RALYL: variants seen among roughly 807,000 people sequenced by gnomAD.
RALYL encodes RNA-binding Raly-like protein.
In RALYL, 29 loss-of-function variants were observed where a neutral mutation model predicts 35.1. That is an observed-to-expected ratio of 0.83 (90% CI 0.61 to 1.13). RALYL has a LOEUF of 1.13. RALYL is among the 50% of genes most tolerant of loss of function. The pLI is 0.00. For missense variants in RALYL, 359 were observed against 360.4 expected (o/e 1.00, Z 0.03); for synonymous variants, 120 against 127.6 (o/e 0.94, Z 0.40).
intron 5 of RALYL, among the ~76,000 whole-genome samples, chr8:84,852,111 A>G (rs1835972781): frequency 6.6e-6 from 1 of 152,182 alleles, no homozygotes; most frequent in Non-Finnish European, 1.5e-5. Context: ...TAGGCATCCA[A>G]TTTAGATTCA....
At chr8:84,851,437 T>G (rs1402779622) in intron 5 of RALYL, among the ~76,000 whole-genome samples, 1 of 152,156 alleles carries the variant, frequency 6.6e-6, no homozygotes, top group African/African-American at 2.4e-5. Flanking sequence ...TAACTGAAAT[T>G]TATGCATATC....
chr8:84,731,794 TA>T (rs767777950), intron 2 of RALYL, among the ~76,000 whole-genome samples: 2 of 152,110 alleles, frequency 1.3e-5, no homozygotes, highest in African/African-American at 2.4e-5. Context: ...TATTGCCCTT[TA>T]AAAAAACCAA....
chr8:84,183,382 CAG>C lies in RALYL; in HGVS notation c.-1063_-1062del, dbSNP rs2130773429. The C allele has an allele frequency of 6.5e-6, 1 of 154,052 alleles. No homozygotes were observed. The highest frequency in any genetic ancestry group is 1.9e-4 in the East Asian group (1 of 5,188). 9.5% of individuals were successfully genotyped at this position (154,052 alleles called of 1,614,324 possible). A position where few individuals can be genotyped will look rare whatever the true frequency, so the allele number is the denominator to read the frequency against. ...TCGCCGCCGCCGCCGCCTCGCCAGCCAGAGTTGGGCTCCGTGGGCTTCCCCCC... is the reference window on the plus strand; with the variant it reads ...TCGCCGCCGCCGCCGCCTCGCCAGCCAGTTGGGCTCCGTGGGCTTCCCCCC... On this transcript the variant is annotated 5_prime_UTR_variant, in exon 1 of 9. Coordinates refer to ENST00000521268, the MANE Select transcript of RALYL (RefSeq NM_173848.7).
intron 2 of RALYL, among the ~76,000 whole-genome samples, chr8:84,762,202 A>T (rs1358161619): frequency 1.3e-5 from 2 of 152,176 alleles, no homozygotes; most frequent in African/African-American, 4.8e-5. Context: ...GCACTTCAAA[A>T]ATCCTCTAAA....
intron 1 of RALYL, among the ~76,000 whole-genome samples, chr8:84,488,625 C>T (rs1453062834): frequency 6.6e-6 from 1 of 151,930 alleles, no homozygotes; most frequent in Non-Finnish European, 1.5e-5. Flanking sequence ...CTGTGTAGAG[C>T]AGATGTTAGT....
intron 2 of RALYL, among the ~76,000 whole-genome samples, chr8:84,611,342 C>T (rs1383456668): frequency 6.6e-6 from 1 of 152,048 alleles, no homozygotes; most frequent in African/African-American, 2.4e-5. Flanking sequence ...TTCCCATTTA[C>T]CTAACCATTT....
At chr8:84,389,024 A>G (rs537734083) in intron 1 of RALYL, among the ~76,000 whole-genome samples, 31 of 152,112 alleles carry the variant, frequency 2.0e-4, no homozygotes, top group Middle Eastern at 6.8e-3. Context: ...TTTGTATAAG[A>G]TGTAATGAAG....
intron 1 of RALYL, among the ~76,000 whole-genome samples, chr8:84,468,354 C>G (rs4576421): frequency 0.35 from 53,364 of 150,676 alleles, 9,674 homozygotes; most frequent in South Asian, 0.51. Flanking sequence ...GACAAAATCT[C>G]TCAGCATTTG....
At chr8:84,253,716 C>A (rs576336862) in intron 1 of RALYL, among the ~76,000 whole-genome samples, 2 of 152,170 alleles carry the variant, frequency 1.3e-5, no homozygotes, top group East Asian at 3.9e-4. Context: ...AGGTATAGGT[C>A]TCTTGAATTA....
chr8:84,606,186 T>C (rs1386221655), intron 2 of RALYL, among the ~76,000 whole-genome samples: 1 of 152,128 alleles, frequency 6.6e-6, no homozygotes, highest in African/African-American at 2.4e-5. Context: ...ACATCAAGTA[T>C]CTCCCCTCAG....
At chr8:84,548,289 A>C (rs2060494721) in intron 2 of RALYL, among the ~76,000 whole-genome samples, 1 of 151,894 alleles carries the variant, frequency 6.6e-6, no homozygotes, top group South Asian at 2.1e-4. Context: ...GGCTTTCTTT[A>C]TGAAATTATT....
intron 5 of RALYL, among the ~76,000 whole-genome samples, chr8:84,852,357 A>ATATATAT (rs1836033517): frequency 1.3e-5 from 2 of 152,140 alleles, no homozygotes; most frequent in Non-Finnish European, 2.9e-5. Context: ...AATATTAAGA[A>ATATATAT]ACTTATCATA....
chr8:84,460,063 A>G (rs753651031), intron 1 of RALYL, among the ~76,000 whole-genome samples: 5 of 151,808 alleles, frequency 3.3e-5, no homozygotes, highest in Non-Finnish European at 7.4e-5. Context: ...TTGGCTAAAT[A>G]CAGAAGGGAG....
chr8:84,653,057 G>A (rs935746613), intron 2 of RALYL, among the ~76,000 whole-genome samples: 1 of 152,024 alleles, frequency 6.6e-6, no homozygotes, highest in African/African-American at 2.4e-5. Flanking sequence ...TTAGTCCAAT[G>A]CTAAAAACAA....
intron 2 of RALYL, among the ~76,000 whole-genome samples, chr8:84,616,791 G>C (rs1004148649): frequency 1.1e-4 from 17 of 151,790 alleles, no homozygotes; most frequent in Non-Finnish European, 2.2e-4. Context: ...AAGGGATCCA[G>C]TTTCAGCTTT....
chr8:84,849,614 A>G (rs1213589475), intron 4 of RALYL, among the ~76,000 whole-genome samples: 3 of 150,552 alleles, frequency 2.0e-5, no homozygotes, highest in East Asian at 2.0e-4. Context: ...GCTGGAGTGC[A>G]GTGGCGCGAT....
intron 2 of RALYL, among the ~76,000 whole-genome samples, chr8:84,713,439 A>G (rs896184171): frequency 5.9e-5 from 9 of 152,052 alleles, no homozygotes; most frequent in African/African-American, 2.2e-4. Context: ...AAGACATACA[A>G]ATAATCAACA....
At chr8:84,383,944 CT>C (rs1858586768) in intron 1 of RALYL, among the ~76,000 whole-genome samples, 1 of 151,638 alleles carries the variant, frequency 6.6e-6, no homozygotes, top group Admixed American at 6.6e-5. Flanking sequence ...ATGAAAATAT[CT>C]AAAAGGATAA....
At chr8:84,573,007 C>T (rs748907009) in intron 2 of RALYL, among the ~76,000 whole-genome samples, 1 of 151,280 alleles carries the variant, frequency 6.6e-6, no homozygotes, top group Non-Finnish European at 1.5e-5. Context: ...ATCTTCAAAT[C>T]CTTTTATTTC....
Sources: gnomAD v4.1 joint callset for allele counts (sites outside exome capture counted in the v4.1 genomes callset) on GRCh38, gnomAD v4.1.1 for gene constraint, MANE v1.5 for transcripts, NCBI Gene and HGNC (gene_info 2026-07-23, HGNC 2026-07-21) for gene names.